Variants in FAM91A1 observed in about 807,000 individuals in gnomAD.
FAM91A1 encodes family with sequence similarity 91 member A1, also known as protein FAM91A1.
Under a neutral mutation model 113.5 loss-of-function variants are expected in FAM91A1, and 41 were observed. That is an observed-to-expected ratio of 0.36 (90% CI 0.28 to 0.47). FAM91A1 has a LOEUF of 0.47. FAM91A1 is among the 20% of genes least tolerant of loss of function. The pLI is 1.00. For synonymous variants in FAM91A1, 307 were observed against 347.9 expected (o/e 0.88, Z 1.31); for missense variants, 696 against 1,001.2 (o/e 0.70, Z 4.11).
At chr8:123,768,894 C>T in intron 1 of FAM91A1, 120 bp downstream of exon 1, 1 of 1,036,694 alleles carries the variant, frequency 9.6e-7, no homozygotes, top group Non-Finnish European at 1.4e-6. Context: ...CTTTACTCCT[C>T]CGTGGTCTTG....
intron 15 of FAM91A1, among the ~76,000 whole-genome samples, chr8:123,796,739 G>A (rs1477362400): frequency 6.6e-6 from 1 of 150,546 alleles, no homozygotes; most frequent in Non-Finnish European, 1.5e-5. Context: ...TTACAGGCAT[G>A]ATGCACTGTG....
intron 4 of FAM91A1, among the ~76,000 whole-genome samples, chr8:123,777,626 A>G (rs1443499049): frequency 6.6e-6 from 1 of 152,212 alleles, no homozygotes; most frequent in African/African-American, 2.4e-5. Context: ...GTGGGAGGAA[A>G]ACTTGTGCAC....
intron 20 of FAM91A1, 81 bp downstream of exon 20, chr8:123,806,310 C>CAAAGGTCTG: frequency 2.2e-6 from 3 of 1,376,948 alleles, no homozygotes; most frequent in Non-Finnish European, 2.9e-6. Context: ...AAGCAGCAGA[C>CAAAGGTCTG]CTTTGTGGGG....
At chr8:123,769,590 C>T (rs1586363489) in intron 1 of FAM91A1, among the ~76,000 whole-genome samples, 1 of 152,128 alleles carries the variant, frequency 6.6e-6, no homozygotes, top group Non-Finnish European at 1.5e-5. Flanking sequence ...GTCTGTTTTA[C>T]TCAATTGTTT....
At chr8:123,779,864 A>G in intron 6 of FAM91A1, 121 bp from the exon 7 acceptor site, 1 of 762,892 alleles carries the variant, frequency 1.3e-6, no homozygotes, top group Non-Finnish European at 2.1e-6. Flanking sequence ...TAGAGTGATA[A>G]ATATGTAGTT....
chr8:123,804,284 A>G (rs970522733), intron 18 of FAM91A1, among the ~76,000 whole-genome samples: 1 of 151,940 alleles, frequency 6.6e-6, no homozygotes, highest in African/African-American at 2.4e-5. Context: ...TCAGGAGTTC[A>G]AGATGAGCCT....
Position 123,812,816 on chromosome 8 carries a change from A to C in FAM91A1, c.*112A>C. 1.1e-6 allele frequency: 1 copy of C among 897,300 alleles called. No homozygotes were observed. The highest frequency in any genetic ancestry group is 1.6e-6 in the Non-Finnish European group (1 of 636,874). The allele number at this position is 897,300 out of a possible 1,614,324, so 55.6% of individuals were successfully genotyped here. A position where few individuals can be genotyped will look rare whatever the true frequency, so the allele number is the denominator to read the frequency against. Reference sequence around the variant, plus strand: ...TGCTGCTGCAGTGCAATTCTTGCTTAACTAATATTAAAAGTTGGGGAACAT... The same window carrying C: ...TGCTGCTGCAGTGCAATTCTTGCTTCACTAATATTAAAAGTTGGGGAACAT... On this transcript the variant is annotated 3_prime_UTR_variant, in exon 24 of 24. Coordinates refer to ENST00000334705, the MANE Select transcript of FAM91A1 (RefSeq NM_144963.4).
At chr8:123,801,764 T>C (rs1362153987) in intron 18 of FAM91A1, among the ~76,000 whole-genome samples, 3 of 151,652 alleles carry the variant, frequency 2.0e-5, no homozygotes, top group African/African-American at 7.3e-5. Context: ...AGAAGCGAGG[T>C]AGTAGGGGTC....
chr8:123,787,498 A>T, intron 13 of FAM91A1, 125 bp downstream of exon 13: 1 of 986,266 alleles, frequency 1.0e-6, no homozygotes, highest in Admixed American at 2.6e-5. Flanking sequence ...GACTTAGAGG[A>T]GTATAATAAC....
chr8:123,778,951 T>C (rs1336880023), intron 6 of FAM91A1, among the ~76,000 whole-genome samples, 179 bp downstream of exon 6: 1 of 152,188 alleles, frequency 6.6e-6, no homozygotes, highest in Non-Finnish European at 1.5e-5. Flanking sequence ...TGAGATACTC[T>C]TTAATGGTGA....
At chr8:123,777,942 G>T in intron 4 of FAM91A1, 83 bp from the exon 5 acceptor site, 1 of 1,177,716 alleles carries the variant, frequency 8.5e-7, no homozygotes, top group South Asian at 1.4e-5. Flanking sequence ...AAATAAGCTC[G>T]GGTTTTTCCT....
Position 123,813,589 on chromosome 8 carries a change from T to A in FAM91A1, c.*885T>A, listed in dbSNP as rs2130176159. 1 of 152,494 alleles carries A rather than the reference T, an allele frequency of 6.6e-6. No homozygotes were observed. The highest frequency in any genetic ancestry group is 2.4e-5 in the African/African-American group (1 of 41,586). The allele number at this position is 152,494 out of a possible 1,614,324, so 9.4% of individuals were successfully genotyped here. Reference sequence around the variant, plus strand: ...ACATATTAGAAGCATTAAGACTATGTCTTTGGATCAGAATGCTTTAGTGAT... The same window carrying A: ...ACATATTAGAAGCATTAAGACTATGACTTTGGATCAGAATGCTTTAGTGAT... On this transcript the variant is annotated 3_prime_UTR_variant, in exon 24 of 24. Transcript: ENST00000334705.
chr8:123,772,234 A>G (rs1038699867), intron 1 of FAM91A1, among the ~76,000 whole-genome samples: 88 of 152,220 alleles, frequency 5.8e-4, no homozygotes, highest in African/African-American at 2.1e-3. Context: ...AAGCTTACAA[A>G]TTTCATAGGT....
At chr8:123,808,869 A>G (rs565319695) in intron 21 of FAM91A1, 24 bp from the exon 22 acceptor site, 43 of 1,591,606 alleles carry the variant, frequency 2.7e-5, no homozygotes, top group South Asian at 5.7e-5. Flanking sequence ...TGATAAAAAA[A>G]TAAGTTTATG....
At chr8:123,775,587 G>C (rs1814963605) in intron 3 of FAM91A1, among the ~76,000 whole-genome samples, 1 of 152,170 alleles carries the variant, frequency 6.6e-6, no homozygotes, top group Non-Finnish European at 1.5e-5. Flanking sequence ...TATGTTGGCA[G>C]AGTCTGTGTA....
intron 1 of FAM91A1, among the ~76,000 whole-genome samples, chr8:123,771,052 A>G (rs982992748): frequency 3.3e-5 from 5 of 152,170 alleles, no homozygotes; most frequent in Non-Finnish European, 7.3e-5. Flanking sequence ...ACCCAACCTT[A>G]TTACTGCTGG....
chr8:123,804,490 TAAAAAAAAAAAA>T (rs57808944), intron 18 of FAM91A1, among the ~76,000 whole-genome samples: 41 of 73,864 alleles, frequency 5.6e-4, no homozygotes, highest in East Asian at 1.2e-3. Context: ...GACTCTGTTT[TAAAAAAAAAAAA>T]AAAAAAAAAA....
chr8:123,769,945 T>C (rs777640784), intron 1 of FAM91A1, among the ~76,000 whole-genome samples: 1 of 147,440 alleles, frequency 6.8e-6, no homozygotes, highest in Non-Finnish European at 1.5e-5. Context: ...GGATTATTTA[T>C]TTATTTTTAT....
At chr8:123,801,634 T>C (rs1433937078) in intron 18 of FAM91A1, among the ~76,000 whole-genome samples, 1 of 152,198 alleles carries the variant, frequency 6.6e-6, no homozygotes, top group Admixed American at 6.5e-5. Flanking sequence ...CGAATAGAAT[T>C]ACATATAGTG....
Sources: allele counts gnomAD v4.1 joint callset (sites outside exome capture counted in the v4.1 genomes callset), GRCh38; gene constraint gnomAD v4.1.1; transcripts MANE v1.5; gene names NCBI Gene and HGNC (gene_info 2026-07-23, HGNC 2026-07-21).